The following TTLL11 variants were observed in gnomAD, a reference collection of about 807,000 sequenced individuals.
The protein encoded by TTLL11 is tubulin polyglutamylase TTLL11.
A neutral mutation model predicts 51.7 loss-of-function variants in TTLL11; 42 were observed. The observed-to-expected ratio is 0.81, with a 90% CI of 0.64 to 1.05. TTLL11 has a LOEUF of 1.05. TTLL11 is among the 50% of genes least tolerant of loss of function. The pLI, the probability that TTLL11 is intolerant of heterozygous loss-of-function variation, is 0.00. For synonymous variants in TTLL11, 381 were observed against 383.5 expected, an observed-to-expected ratio of 0.99 and a Z score of 0.08; for missense variants, 799 against 940.4, an observed-to-expected ratio of 0.85 and a Z score of 1.97.
At chr9:121,927,595 A>T (rs961046304) in intron 6 of TTLL11, among the ~76,000 whole-genome samples, 1 of 151,806 alleles carries the variant, frequency 6.6e-6, no homozygotes, top group African/African-American at 2.4e-5. Flanking sequence ...TTTGAAATAA[A>T]ATAGTAAATA....
chr9:121,959,191 A>G (rs1173963678), intron 6 of TTLL11, among the ~76,000 whole-genome samples: 1 of 152,172 alleles, frequency 6.6e-6, no homozygotes, highest in Non-Finnish European at 1.5e-5. Context: ...GAGGAGTGAG[A>G]GTCAGGATCT....
chr9:122,011,189 C>T (rs1843781530), intron 3 of TTLL11, among the ~76,000 whole-genome samples: 1 of 152,134 alleles, frequency 6.6e-6, no homozygotes, highest in Non-Finnish European at 1.5e-5. Context: ...TAAGATGTAC[C>T]TTTTGCCTTC....
chr9:121,943,168 C>A (rs2131585504), intron 6 of TTLL11, among the ~76,000 whole-genome samples: 1 of 152,300 alleles, frequency 6.6e-6, no homozygotes, highest in African/African-American at 2.4e-5. Flanking sequence ...AGTGAGTGAG[C>A]ACCGCTGACC....
chr9:121,903,977 C>T lies in TTLL11; in HGVS notation c.1482-33229G>A, dbSNP rs75399503. Among the ~76,000 whole-genome samples the T allele has an allele frequency of 1.9e-4, 29 of 152,262 alleles. No homozygotes were observed. In the East Asian group the frequency reaches 5.2e-3, roughly 27 times the overall value. On this transcript the variant is annotated intron_variant, in intron 6 of 8. Coordinates refer to ENST00000321582, the MANE Select transcript of TTLL11 (RefSeq NM_001139442.2). Reference sequence around the variant, plus strand: ...CTCAGCTCAGGGATACCAAATACAACGTGGGTTAAATATACAAGCCAACTC... The same window carrying T: ...CTCAGCTCAGGGATACCAAATACAATGTGGGTTAAATATACAAGCCAACTC...
At chr9:121,932,435 G>T (rs1181461797) in intron 6 of TTLL11, among the ~76,000 whole-genome samples, 17 of 152,160 alleles carry the variant, frequency 1.1e-4, no homozygotes, top group Admixed American at 1.1e-3. Flanking sequence ...GATGTGTTTG[G>T]ATTACAGAGT....
intron 1 of TTLL11, among the ~76,000 whole-genome samples, chr9:122,082,487 G>C (rs1846023818): frequency 7.3e-6 from 1 of 136,182 alleles, no homozygotes; most frequent in Admixed American, 7.9e-5. Flanking sequence ...AGGTGACAGA[G>C]CGAGACTCTG....
chr9:121,933,357 A>T (rs1283845206), intron 6 of TTLL11, among the ~76,000 whole-genome samples: 2 of 152,190 alleles, frequency 1.3e-5, no homozygotes, highest in African/African-American at 4.8e-5. Flanking sequence ...TTTTCAGCAC[A>T]AGAAACTACA....
intron 6 of TTLL11, among the ~76,000 whole-genome samples, chr9:121,939,696 A>C (rs191813382): frequency 6.6e-6 from 1 of 152,330 alleles, no homozygotes; most frequent in Non-Finnish European, 1.5e-5. Flanking sequence ...GTTTCATAAT[A>C]ATTTTTTTGT....
At chr9:122,039,859 T>C (rs1247346278) in intron 1 of TTLL11, among the ~76,000 whole-genome samples, 1 of 149,162 alleles carries the variant, frequency 6.7e-6, no homozygotes, top group African/African-American at 2.5e-5. Context: ...CCCTCTTCCC[T>C]TATCTCTCTC....
chr9:122,041,809 A>AGACC (rs1207326118), intron 1 of TTLL11, among the ~76,000 whole-genome samples: 4 of 152,158 alleles, frequency 2.6e-5, no homozygotes, highest in Non-Finnish European at 5.9e-5. Context: ...CTATGCTCAT[A>AGACC]GACCGGAAGA....
chr9:121,942,626 T>C (rs1841519367), intron 6 of TTLL11, among the ~76,000 whole-genome samples: 1 of 151,724 alleles, frequency 6.6e-6, no homozygotes, highest in Admixed American at 6.6e-5. Context: ...CCTACTGCCA[T>C]GGAATCTAGT....
At chr9:122,000,599 C>G (rs1480839965) in intron 3 of TTLL11, among the ~76,000 whole-genome samples, 1 of 152,030 alleles carries the variant, frequency 6.6e-6, no homozygotes. Context: ...CTGCTACACT[C>G]CCACCAGCGC....
intron 6 of TTLL11, among the ~76,000 whole-genome samples, chr9:121,877,955 A>T (rs934433513): frequency 6.6e-6 from 1 of 152,142 alleles, no homozygotes; most frequent in South Asian, 2.1e-4. Context: ...ATCTCCTTTG[A>T]CCCTAGCAAG....
chr9:121,904,526 G>A (rs1037030746), intron 6 of TTLL11, among the ~76,000 whole-genome samples: 18 of 152,212 alleles, frequency 1.2e-4, no homozygotes, highest in Admixed American at 8.5e-4. Context: ...CACACCAGCG[G>A]ATTCAGCCCT....
At chr9:122,024,602 T>C (rs954689072) in intron 3 of TTLL11, among the ~76,000 whole-genome samples, 1 of 152,182 alleles carries the variant, frequency 6.6e-6, no homozygotes, top group Non-Finnish European at 1.5e-5. Flanking sequence ...AGACACAGAA[T>C]ACAGAATTCA....
chr9:121,901,808 T>C (rs1312705154), intron 6 of TTLL11, among the ~76,000 whole-genome samples: 1 of 152,206 alleles, frequency 6.6e-6, no homozygotes, highest in East Asian at 1.9e-4. Context: ...GATTGTCAGA[T>C]GCTTGCACGG....
chr9:122,016,562 C>T (rs1843988665), intron 3 of TTLL11, among the ~76,000 whole-genome samples: 1 of 152,190 alleles, frequency 6.6e-6, no homozygotes, highest in Non-Finnish European at 1.5e-5. Context: ...ACTTATAATG[C>T]CACATTTTCC....
intron 2 of TTLL11, among the ~76,000 whole-genome samples, chr9:122,035,792 C>T (rs530054425): frequency 2.6e-5 from 4 of 152,246 alleles, no homozygotes; most frequent in East Asian, 1.9e-4. Context: ...CAAGCTGACC[C>T]GTGTCACTGT....
intron 1 of TTLL11, among the ~76,000 whole-genome samples, chr9:122,062,462 CTTTTTTTTTT>C (rs386416145): frequency 3.9e-5 from 3 of 77,700 alleles, no homozygotes; most frequent in East Asian, 3.6e-4. Flanking sequence ...TTATATTATG[CTTTTTTTTTT>C]TTTTTTTTTT....
Sources: allele counts gnomAD v4.1 joint callset (sites outside exome capture counted in the v4.1 genomes callset), GRCh38; gene constraint gnomAD v4.1.1; transcripts MANE v1.5; gene names NCBI Gene and HGNC (gene_info 2026-07-23, HGNC 2026-07-21).